Variants in PRKAG2 observed in about 807,000 individuals in gnomAD.
PRKAG2 encodes the protein 5'-AMP-activated protein kinase subunit gamma-2.
A neutral mutation model predicts 69.6 loss-of-function variants in PRKAG2; 26 were observed. The ratio of observed to expected loss-of-function variants is 0.37; its 90% CI spans 0.27 to 0.52. The LOEUF is 0.52. Ranked by LOEUF, PRKAG2 falls within the 20% of genes least tolerant of loss-of-function variation. PRKAG2 has a pLI of 0.90. For synonymous variants in PRKAG2, 293 were observed against 285.0 expected, an observed-to-expected ratio of 1.03 and a Z score of -0.28; for missense variants, 557 against 740.0, an observed-to-expected ratio of 0.75 and a Z score of 2.87.
chr7:151,670,720 T>C (rs189598080), intron 4 of PRKAG2, among the ~76,000 whole-genome samples: 10 of 152,362 alleles, frequency 6.6e-5, no homozygotes, highest in Admixed American at 2.6e-4. Flanking sequence ...CACCTTCCTA[T>C]GCATAATGCA....
chr7:151,589,743 G>A (rs1165044142), intron 6 of PRKAG2, among the ~76,000 whole-genome samples: 2 of 152,156 alleles, frequency 1.3e-5, no homozygotes, highest in Non-Finnish European at 2.9e-5. Flanking sequence ...AGGCCAGCCT[G>A]GCCAACAAAG....
At chr7:151,860,827 C>T (rs34867733) in intron 1 of PRKAG2, among the ~76,000 whole-genome samples, 23,980 of 152,124 alleles carry the variant, frequency 0.16, 2,111 homozygotes, top group South Asian at 0.24. Context: ...CCTTGTCTGC[C>T]CACCTGTCTT....
chr7:151,870,779 C>T (rs965257665), intron 1 of PRKAG2, among the ~76,000 whole-genome samples: 4 of 152,226 alleles, frequency 2.6e-5, no homozygotes, highest in South Asian at 2.1e-4. Flanking sequence ...TCTCGCAGCG[C>T]GGGGCTTCCC....
At chr7:151,559,769 C>T in intron 15 of PRKAG2, 1 of 985,360 alleles carries the variant, frequency 1.0e-6, no homozygotes. Context: ...TGTTTGCTCC[C>T]ACATCGGGTC....
intron 4 of PRKAG2, among the ~76,000 whole-genome samples, chr7:151,639,943 G>C (rs565311471): frequency 6.6e-6 from 1 of 151,986 alleles, no homozygotes; most frequent in South Asian, 2.1e-4. Context: ...ACCTCCATCC[G>C]TTTCTATCAT....
In PRKAG2 at chr7:151,632,147, G is replaced by T. The variant is rs1824696243; in HGVS notation, c.685-9C>A. ...GCCGCCGCCAGCGCCGCCTGAGGGG[G>T]AGGAGGAGGACAGCGATCAGCATGA... is the stretch of plus-strand genomic sequence containing the variant. On this transcript the variant is annotated splice_polypyrimidine_tract_variant and intron_variant, in intron 4 of 15. Coordinates refer to ENST00000287878, the MANE Select transcript of PRKAG2 (RefSeq NM_016203.4). This position sits in a 1 kb window ranked among gnomAD's most constrained non-coding sequence, Gnocchi z 4.2. 2.2e-6 allele frequency: 3 copies of T among 1,389,012 alleles called. No individual in the cohort carries two copies. Among genetic ancestry groups the T allele is most frequent in the Non-Finnish European group, 1.9e-6 (2 of 1,057,736 alleles). The allele number at this position is 1,389,012 out of a possible 1,614,324, so 86.0% of individuals were successfully genotyped here.
At position 151,778,007 on chromosome 7, in the gene PRKAG2, TG is replaced by T. The variant is rs2076473774; in HGVS notation, c.466+3144del. Among the ~76,000 whole-genome samples, 3 of 152,148 alleles carry T rather than the reference TG, an allele frequency of 2.0e-5. No homozygotes were observed. In the South Asian group the frequency reaches 6.2e-4, roughly 32 times the overall value. On this transcript the variant is annotated intron_variant, in intron 3 of 15. Transcript: ENST00000287878. ...AGTATCACTATTTAACACCTAAGAT[TG>T]GTCTTTTGAGATAATTTTTTAGACT...
intron 1 of PRKAG2, among the ~76,000 whole-genome samples, chr7:151,845,037 C>T (rs1374929240): frequency 2.0e-5 from 3 of 152,054 alleles, no homozygotes; most frequent in Non-Finnish European, 2.9e-5. Flanking sequence ...AGGCAGCCTC[C>T]GCCCCGCACA....
In PRKAG2 at chr7:151,603,114, C is replaced by T. The variant is rs565301873; in HGVS notation, c.755-7660G>A. Among the ~76,000 whole-genome samples the T allele has an allele frequency of 2.2e-4, 33 of 151,926 alleles. 1 individual carries two copies. The highest frequency in any genetic ancestry group is 2.0e-3 in the Admixed American group (30 of 15,260). On this transcript the variant is annotated intron_variant, in intron 5 of 15. Transcript: ENST00000287878. ...GCACCCGCTCCATACTCACCACACA[C>T]GGAGGCACACGCTCCATACTCACCG...
rs942027961 is a variant in PRKAG2 at position 151,567,818 on chromosome 7, G to T, written c.1233+898C>A. 1.3e-5 allele frequency among the ~76,000 whole-genome samples: 2 copies of T among 152,182 alleles called. No homozygotes were observed. Among genetic ancestry groups the T allele is most frequent in the South Asian group, 4.1e-4 (2 of 4,836 alleles). On this transcript the variant is annotated intron_variant, in intron 11 of 15. Coordinates refer to ENST00000287878, the MANE Select transcript of PRKAG2 (RefSeq NM_016203.4). This position sits in a 1 kb window ranked among gnomAD's most constrained non-coding sequence, Gnocchi z 4.2. ...GCCCTCTGTGCTTCTGTCAGCAAAA[G>T]GGGTCCCTCAAGCTGCCTCCAGGGC...
chr7:151,616,450 C>G (rs1229773329), intron 5 of PRKAG2, among the ~76,000 whole-genome samples: 1 of 152,258 alleles, frequency 6.6e-6, no homozygotes. Context: ...GCAGCTCCCA[C>G]TCAGACGGAC....
chr7:151,627,334 A>G (rs546588796), intron 5 of PRKAG2, among the ~76,000 whole-genome samples: 2 of 152,282 alleles, frequency 1.3e-5, no homozygotes, highest in South Asian at 2.1e-4. Context: ...TGCTAGAAAC[A>G]AGCAAGATTG....
chr7:151,562,681 A>T (rs192575037), intron 14 of PRKAG2, among the ~76,000 whole-genome samples: 8 of 152,148 alleles, frequency 5.3e-5, no homozygotes, highest in Non-Finnish European at 8.8e-5. Context: ...TCAATAGTGG[A>T]TATTAGCCGG....
At chr7:151,825,438 T>A (rs2151868957) in intron 1 of PRKAG2, among the ~76,000 whole-genome samples, 1 of 152,334 alleles carries the variant, frequency 6.6e-6, no homozygotes, top group Non-Finnish European at 1.5e-5. Context: ...GATGGGAGTC[T>A]TTTTGTATAA....
chr7:151,635,786 T>C (rs1221625982), intron 4 of PRKAG2, among the ~76,000 whole-genome samples: 1 of 152,142 alleles, frequency 6.6e-6, no homozygotes, highest in Non-Finnish European at 1.5e-5. Flanking sequence ...AATGTCAATA[T>C]CCTGCTTGTG....
chr7:151,624,106 G>A (rs1248229414), intron 5 of PRKAG2, among the ~76,000 whole-genome samples: 2 of 151,624 alleles, frequency 1.3e-5, no homozygotes, highest in Non-Finnish European at 2.9e-5. Context: ...TCAGATACAT[G>A]GGAAACAGCT....
chr7:151,713,994 A>C (rs1795737793), intron 3 of PRKAG2, among the ~76,000 whole-genome samples: 1 of 152,166 alleles, frequency 6.6e-6, no homozygotes, highest in African/African-American at 2.4e-5. Flanking sequence ...TGGGGGTTCA[A>C]GTCCAAGAAC....
rs2076679196 is a variant in PRKAG2 at position 151,781,681 on chromosome 7, C to T, written c.187-250G>A. The stretch of plus-strand genomic sequence containing the variant: ...GGTCCACTGACCATCCTGTCCCACT[C>T]CTTAGAAGGGGCTTCCAGGAGGTAG... On this transcript the variant is annotated intron_variant, in intron 2 of 15. Coordinates refer to ENST00000287878, the MANE Select transcript of PRKAG2 (RefSeq NM_016203.4). This position sits in a 1 kb window ranked among gnomAD's most constrained non-coding sequence, Gnocchi z 6.1. Among the ~76,000 whole-genome samples the T allele has an allele frequency of 6.6e-6, 1 of 152,158 alleles. No homozygotes were observed. The highest frequency in any genetic ancestry group is 2.4e-5 in the African/African-American group (1 of 41,430).
chr7:151,808,602 T>C (rs2078245243), intron 1 of PRKAG2, among the ~76,000 whole-genome samples: 1 of 151,800 alleles, frequency 6.6e-6, no homozygotes, highest in Non-Finnish European at 1.5e-5. Context: ...TGGGGGGGCT[T>C]GAGGCTATCC....
Sources: allele counts gnomAD v4.1 joint callset (sites outside exome capture counted in the v4.1 genomes callset), GRCh38; gene constraint gnomAD v4.1.1; non-coding constraint Gnocchi (gnomAD v3.1); transcripts MANE v1.5; gene names NCBI Gene and HGNC (gene_info 2026-07-23, HGNC 2026-07-21).